Variants in VAV2 observed in about 807,000 individuals in gnomAD.
VAV2 encodes the protein vav guanine nucleotide exchange factor 2.
In VAV2, 67 loss-of-function variants were observed where a neutral mutation model predicts 132.5. The ratio of observed to expected loss-of-function variants is 0.51; its 90% confidence interval spans 0.42 to 0.62. The LOEUF (loss-of-function observed/expected upper bound fraction) is 0.62. Ranked by LOEUF, VAV2 falls within the 20% of genes least tolerant of loss-of-function variation. The pLI is 0.00. For synonymous variants in VAV2, 492 were observed against 443.5 expected (o/e 1.11, Z -1.37); for missense variants, 938 against 1,153.6 (o/e 0.81, Z 2.71).
chr9:133,780,702 C>T lies in VAV2; in HGVS notation c.1732G>A (p.Ala578Thr). ...VIPPCKFTSPADLDASGAGPG... is the reference protein window; with the variant it reads ...VIPPCKFTSPTDLDASGAGPG... ...ACACTCTGGGGACTTACCAGATCTG[C>T]AGGAGAAGCTGGAAAGGAAGCAGGT... The change falls in exon 20 of 30, where the codon GCA becomes ACA. Residue 578 changes from alanine to threonine, a missense_variant. Physicochemically the swap from Ala to Thr is moderately conservative, Grantham distance 58. Coordinates refer to ENST00000371850, the MANE Select transcript of VAV2 (RefSeq NM_001134398.2). 7.9e-7 allele frequency: 1 copy of T among 1,272,144 alleles called. No homozygotes were observed. The allele number at this position is 1,272,144 out of a possible 1,614,324, so 78.8% of individuals were successfully genotyped here.
intron 2 of VAV2, among the ~76,000 whole-genome samples, chr9:133,890,967 TAAAC>T (rs1313596565): frequency 6.6e-6 from 1 of 152,142 alleles, no homozygotes; most frequent in African/African-American, 2.4e-5. Context: ...TCACACCTGA[TAAAC>T]AAAAATACTT....
chr9:133,953,494 CTGGGCCT>C (rs1003711132), intron 1 of VAV2, among the ~76,000 whole-genome samples: 25 of 152,232 alleles, frequency 1.6e-4, no homozygotes, highest in African/African-American at 6.0e-4. Flanking sequence ...ACCCTGGACC[CTGGGCCT>C]GGCACACTGG....
At chr9:133,810,134 A>G in intron 6 of VAV2, 57 bp downstream of exon 6, 1 of 1,610,844 alleles carries the variant, frequency 6.2e-7, no homozygotes. Flanking sequence ...CCTCCCTGAA[A>G]GGTCAAGAAG....
chr9:133,913,092 C>A (rs181807574), intron 2 of VAV2, among the ~76,000 whole-genome samples: 73 of 152,304 alleles, frequency 4.8e-4, no homozygotes, highest in Non-Finnish European at 8.5e-4. Context: ...TTGGGTGGAG[C>A]CCTTTGCCCC....
At chr9:133,874,930 C>T (rs139022274) in intron 2 of VAV2, among the ~76,000 whole-genome samples, 313 of 152,314 alleles carry the variant, frequency 2.1e-3, no homozygotes, top group African/African-American at 7.0e-3. Flanking sequence ...GGGAAACATG[C>T]GTCCAGAACC....
intron 1 of VAV2, among the ~76,000 whole-genome samples, chr9:133,986,183 C>T (rs983352153): frequency 6.6e-6 from 1 of 152,232 alleles, no homozygotes; most frequent in Non-Finnish European, 1.5e-5. Flanking sequence ...CTAAACAGAA[C>T]ATCACCAGCA....
chr9:133,988,062 T>G (rs1842909444), intron 1 of VAV2, among the ~76,000 whole-genome samples: 1 of 152,086 alleles, frequency 6.6e-6, no homozygotes, highest in Admixed American at 6.5e-5. Context: ...CCTCTGAAAA[T>G]AGGATGTCAC....
intron 2 of VAV2, among the ~76,000 whole-genome samples, chr9:133,887,797 C>T (rs117582560): frequency 0.074 from 11,247 of 151,976 alleles, 502 homozygotes; most frequent in South Asian, 0.1. Flanking sequence ...CCTCCCATCC[C>T]CCGCCCCCCA....
At chr9:133,982,003 T>C (rs1033227140) in intron 1 of VAV2, among the ~76,000 whole-genome samples, 2 of 152,180 alleles carry the variant, frequency 1.3e-5, no homozygotes, top group African/African-American at 2.4e-5. Context: ...TAGATACAAA[T>C]GGAACAGTAA....
chr9:133,923,314 G>A (rs867735716), intron 2 of VAV2, among the ~76,000 whole-genome samples: 5 of 152,154 alleles, frequency 3.3e-5, no homozygotes, highest in African/African-American at 9.7e-5. Context: ...ACTACTATGC[G>A]ATATGATCCA....
chr9:133,817,140 T>C (rs756791100), intron 4 of VAV2, among the ~76,000 whole-genome samples: 3 of 152,248 alleles, frequency 2.0e-5, no homozygotes, highest in Non-Finnish European at 4.4e-5. Flanking sequence ...TATTTAAGTC[T>C]TCCTTAATTT....
At chr9:133,778,965 A>G in intron 21 of VAV2, 76 bp from the exon 22 acceptor site, 1 of 1,565,916 alleles carries the variant, frequency 6.4e-7, no homozygotes. Context: ...CCCGCAGCCC[A>G]CCCCATCACC....
intron 4 of VAV2, among the ~76,000 whole-genome samples, chr9:133,818,100 C>T (rs1835634698): frequency 6.6e-6 from 1 of 152,142 alleles, no homozygotes; most frequent in African/African-American, 2.4e-5. Context: ...CGCGGCGGCT[C>T]ACGCCTGTAA....
chr9:133,786,253 T>C (rs1834218845), intron 16 of VAV2, among the ~76,000 whole-genome samples: 1 of 152,266 alleles, frequency 6.6e-6, no homozygotes, highest in Non-Finnish European at 1.5e-5. Context: ...CCAGTGCTCC[T>C]GTGAGCATGT....
At position 133,779,773 on chromosome 9, in the gene VAV2, G is replaced by A. The variant is rs1833940761; in HGVS notation, c.1762+145C>T. On this transcript the variant is annotated intron_variant, in intron 21 of 29. Transcript: ENST00000371850. Reference sequence around the variant, plus strand: ...CCATAGAGGCCAGAGAGGCAAGAGGGAGGGGGCCCAGATGGCAGCATCCAG... The same window carrying A: ...CCATAGAGGCCAGAGAGGCAAGAGGAAGGGGGCCCAGATGGCAGCATCCAG... 9.1e-6 allele frequency: 10 copies of A among 1,102,452 alleles called. No homozygotes were observed. In the East Asian group the frequency reaches 2.1e-4, roughly 23 times the overall value. 68.3% of individuals were successfully genotyped at this position (1,102,452 alleles called of 1,614,324 possible).
At chr9:133,852,716 C>G (rs533474850) in intron 3 of VAV2, among the ~76,000 whole-genome samples, 1 of 152,210 alleles carries the variant, frequency 6.6e-6, no homozygotes, top group Non-Finnish European at 1.5e-5. Flanking sequence ...ACACCAGCCA[C>G]GCAGTAAACA....
intron 2 of VAV2, among the ~76,000 whole-genome samples, chr9:133,867,818 C>T (rs1472156370): frequency 1.3e-5 from 2 of 152,254 alleles, no homozygotes; most frequent in African/African-American, 2.4e-5. Context: ...TAACAACTGC[C>T]AGGAGAAATG....
intron 1 of VAV2, among the ~76,000 whole-genome samples, chr9:133,968,526 G>A (rs1374161382): frequency 6.6e-6 from 1 of 152,102 alleles, no homozygotes; most frequent in Non-Finnish European, 1.5e-5. Flanking sequence ...AAACGCGCTC[G>A]GGGCCAGTCC....
intron 2 of VAV2, among the ~76,000 whole-genome samples, chr9:133,876,627 G>GGTGTGGC (rs1838277313): frequency 6.6e-6 from 1 of 152,250 alleles, no homozygotes; most frequent in Non-Finnish European, 1.5e-5. Flanking sequence ...TTTGAGAGAT[G>GGTGTGGC]CTTCAGGCTG....
Sources: gnomAD v4.1 joint callset for allele counts (sites outside exome capture counted in the v4.1 genomes callset) on GRCh38, gnomAD v4.1.1 for gene constraint, MANE v1.5 for transcripts, NCBI Gene and HGNC (gene_info 2026-07-23, HGNC 2026-07-21) for gene names.